The following INPP4B variants were observed in gnomAD, a reference collection of about 807,000 sequenced individuals.
INPP4B encodes inositol polyphosphate-4-phosphatase type II B.
A neutral mutation model predicts 122.5 loss-of-function variants in INPP4B; 55 were observed. The observed-to-expected ratio is 0.45, with a 90% CI of 0.36 to 0.56. INPP4B has a LOEUF of 0.56. Among genes scored for constraint, INPP4B ranks in the 20% least tolerant of loss-of-function variants. The pLI is 0.00. For synonymous variants in INPP4B, 403 were observed against 388.7 expected (o/e 1.04, Z -0.43); for missense variants, 1,000 against 1,097.7 (o/e 0.91, Z 1.26).
At chr4:142,520,209 A>G (rs1479848396) in intron 2 of INPP4B, among the ~76,000 whole-genome samples, 44 of 152,138 alleles carry the variant, frequency 2.9e-4, no homozygotes. Flanking sequence ...TAAATGTTTT[A>G]TCCTTCAACA....
intron 2 of INPP4B, among the ~76,000 whole-genome samples, chr4:142,499,453 A>G (rs1056217697): frequency 6.6e-6 from 1 of 152,210 alleles, no homozygotes; most frequent in African/African-American, 2.4e-5. Context: ...GAATAGGTTA[A>G]AATTGTGTTT....
At position 142,082,030 on chromosome 4, in the gene INPP4B, C is replaced by T. The variant is rs1231373083; in HGVS notation, c.2642+1G>A. 1 of 1,431,546 alleles carries T rather than the reference C, an allele frequency of 7.0e-7. No homozygotes were observed. 88.7% of individuals were successfully genotyped at this position (1,431,546 alleles called of 1,614,324 possible). On this transcript the variant is annotated splice_donor_variant, in intron 25 of 25. Transcript: ENST00000262992. LOFTEE classifies it high-confidence loss of function. ...AAAAACTTGAAAAACATGTGAGATA[C>T]CTTCTCATGCAATCCAGCGCTCGGA... is the stretch of plus-strand genomic sequence containing the variant.
chr4:142,580,840 G>A (rs1005356088), intron 2 of INPP4B, among the ~76,000 whole-genome samples: 1 of 152,044 alleles, frequency 6.6e-6, no homozygotes, highest in Non-Finnish European at 1.5e-5. Flanking sequence ...AGCTTCTGTA[G>A]TAGATTGCAA....
At chr4:142,768,169 A>T (rs946581715) in intron 1 of INPP4B, among the ~76,000 whole-genome samples, 5 of 152,178 alleles carry the variant, frequency 3.3e-5, no homozygotes, top group Non-Finnish European at 7.3e-5. Flanking sequence ...GCAAGGGATC[A>T]ATTATGTTAG....
chr4:142,664,874 T>A (rs949741164), intron 2 of INPP4B, among the ~76,000 whole-genome samples: 6 of 152,196 alleles, frequency 3.9e-5, no homozygotes, highest in African/African-American at 1.4e-4. Context: ...TTAGGCAATT[T>A]CATCATTGTG....
intron 7 of INPP4B, among the ~76,000 whole-genome samples, chr4:142,328,299 A>G (rs1198052762): frequency 1.3e-5 from 2 of 151,914 alleles, no homozygotes; most frequent in African/African-American, 4.9e-5. Flanking sequence ...CTTTACTACA[A>G]TAAACTAACT....
intron 1 of INPP4B, among the ~76,000 whole-genome samples, chr4:142,733,282 A>G (rs527739374): frequency 6.6e-6 from 1 of 152,310 alleles, no homozygotes; most frequent in African/African-American, 2.4e-5. Flanking sequence ...GGTAACCGTC[A>G]AGGGAAAACA....
rs1653809449 is a variant in INPP4B, at chr4:142,427,531, A to G, written c.136+1642T>C. The G allele has an allele frequency of 6.4e-6, 4 of 624,792 alleles. No homozygotes were observed. In the South Asian group the frequency reaches 7.8e-5, roughly 12 times the overall value. 38.7% of individuals were successfully genotyped at this position (624,792 alleles called of 1,614,324 possible). A position where few individuals can be genotyped will look rare whatever the true frequency, so the allele number is the denominator to read the frequency against. ...TACTGAAATTTACTTGGCTTTCTAA[A>G]CAAACAGCATAGTTAGGTCTTTGAA... On this transcript the variant is annotated intron_variant, in intron 5 of 25. Transcript: ENST00000262992.
intron 7 of INPP4B, among the ~76,000 whole-genome samples, chr4:142,335,674 T>C (rs1233373528): frequency 2.0e-5 from 3 of 152,214 alleles, no homozygotes; most frequent in Non-Finnish European, 4.4e-5. Context: ...GAGTCAATCA[T>C]CAAAGGGCAG....
At chr4:142,271,558 T>C (rs1010797193) in intron 9 of INPP4B, among the ~76,000 whole-genome samples, 59 of 152,222 alleles carry the variant, frequency 3.9e-4, no homozygotes, top group African/African-American at 1.4e-3. Flanking sequence ...TTTGTGCCTT[T>C]TCTCTAACAT....
intron 1 of INPP4B, among the ~76,000 whole-genome samples, chr4:142,761,063 C>T (rs781238877): frequency 3.9e-5 from 6 of 152,082 alleles, no homozygotes; most frequent in Admixed American, 2.0e-4. Context: ...AACACATACT[C>T]ACACAGAAGC....
At chr4:142,738,142 A>G (rs1449539334) in intron 1 of INPP4B, among the ~76,000 whole-genome samples, 1 of 152,194 alleles carries the variant, frequency 6.6e-6, no homozygotes, top group Non-Finnish European at 1.5e-5. Flanking sequence ...TCATGCTGCT[A>G]TAAAGACACA....
intron 11 of INPP4B, among the ~76,000 whole-genome samples, chr4:142,255,063 G>C (rs1734971820): frequency 6.6e-6 from 1 of 150,564 alleles, no homozygotes; most frequent in Non-Finnish European, 1.5e-5. Flanking sequence ...CATTCTTAAA[G>C]AAAAGAATTT....
chr4:142,400,249 A>G (rs1053654111), intron 7 of INPP4B, among the ~76,000 whole-genome samples: 1 of 152,208 alleles, frequency 6.6e-6, no homozygotes, highest in Non-Finnish European at 1.5e-5. Flanking sequence ...TGACTCAACT[A>G]ATTAGTATTC....
At chr4:142,613,684 A>G (rs1386223438) in intron 2 of INPP4B, among the ~76,000 whole-genome samples, 1 of 152,250 alleles carries the variant, frequency 6.6e-6, no homozygotes, top group Non-Finnish European at 1.5e-5. Flanking sequence ...ATCATTTAAC[A>G]AAAAGCTATA....
At chr4:142,787,432 C>T in intron 1 of INPP4B, among the ~76,000 whole-genome samples, 1 of 152,084 alleles carries the variant, frequency 6.6e-6, no homozygotes, top group Non-Finnish European at 1.5e-5. Flanking sequence ...AAAGCCCTCT[C>T]CAGATGCTGG....
rs201027220 is a variant in INPP4B, at chr4:142,145,829, T to C, written c.1720+11A>G. On this transcript the variant is annotated intron_variant, in intron 18 of 25. Coordinates refer to ENST00000262992, the MANE Select transcript of INPP4B (RefSeq NM_001101669.3). The stretch of plus-strand genomic sequence containing the variant: ...CTCAGTAAATGATTGGGAAAAAAAA[T>C]TATTTCTTACCTCTTGGGTGAGAGG... The C allele has an allele frequency of 1.9e-6, 3 of 1,610,198 alleles. No individual in the cohort carries two copies. The highest frequency in any genetic ancestry group is 2.5e-6 in the Non-Finnish European group (3 of 1,178,416).
At chr4:142,688,377 A>G (rs1335446739) in intron 2 of INPP4B, among the ~76,000 whole-genome samples, 1 of 152,040 alleles carries the variant, frequency 6.6e-6, no homozygotes, top group Non-Finnish European at 1.5e-5. Flanking sequence ...TTTTGCCTTC[A>G]TCATTCTGCA....
intron 2 of INPP4B, among the ~76,000 whole-genome samples, chr4:142,617,857 A>G (rs1402505873): frequency 6.6e-6 from 1 of 152,166 alleles, no homozygotes; most frequent in East Asian, 1.9e-4. Context: ...GCAATGCAAT[A>G]GAGATAACAG....
Sources: gnomAD v4.1 joint callset for allele counts (sites outside exome capture counted in the v4.1 genomes callset) on GRCh38, gnomAD v4.1.1 for gene constraint, MANE v1.5 for transcripts, NCBI Gene and HGNC (gene_info 2026-07-23, HGNC 2026-07-21) for gene names.